Variants in ARID3A observed in about 807,000 individuals in gnomAD.
ARID3A encodes the protein AT-rich interaction domain 3A.
ARID3A carries 11 observed loss-of-function variants against 52.7 expected under a neutral mutation model. The observed-to-expected ratio is 0.21, with a 90% CI of 0.13 to 0.35. ARID3A has a LOEUF of 0.35. ARID3A is among the 10% of genes least tolerant of loss of function. ARID3A has a pLI of 1.00. For synonymous variants in ARID3A, 404 were observed against 359.4 expected, an observed-to-expected ratio of 1.12 and a Z score of -1.40; for missense variants, 721 against 838.5, an observed-to-expected ratio of 0.86 and a Z score of 1.73.
At chr19:931,707 G>GGAGGCT (rs1013814083) in intron 2 of ARID3A, among the ~76,000 whole-genome samples, 5 of 151,708 alleles carry the variant, frequency 3.3e-5, no homozygotes, top group Admixed American at 6.6e-5. Flanking sequence ...CAGCTACTTG[G>GGAGGCT]GAGGCTGAGG....
chr19:928,564 C>G (rs2037249045), intron 1 of ARID3A: 1 of 152,172 alleles, frequency 6.6e-6, no homozygotes. Context: ...CGCCATGTCT[C>G]CAAGCAGAGG....
chr19:946,241 C>G (rs957217594), intron 3 of ARID3A, among the ~76,000 whole-genome samples: 7 of 151,938 alleles, frequency 4.6e-5, no homozygotes, highest in African/African-American at 1.7e-4. Flanking sequence ...TTTACTTTTA[C>G]TTTTTCCTTT....
rs928258685 is a variant in ARID3A at position 973,985 on chromosome 19, A to C, written c.*1920A>C. The C allele has an allele frequency of 2.2e-5, 5 of 229,398 alleles. No homozygotes were observed. Among genetic ancestry groups the C allele is most frequent in the African/African-American group, 8.9e-5 (4 of 45,010 alleles). 14.2% of individuals were successfully genotyped at this position (229,398 alleles called of 1,614,324 possible). A position where few individuals can be genotyped will look rare whatever the true frequency, so the allele number is the denominator to read the frequency against. The stretch of plus-strand genomic sequence containing the variant: ...TGGGCTTTCATTTCTCTTGGGGTGC[A>C]GTGGGGATTAACTCAGCTATTCCCA... On this transcript the variant is annotated 3_prime_UTR_variant, in exon 9 of 9. Coordinates refer to ENST00000263620, the MANE Select transcript of ARID3A (RefSeq NM_005224.3).
intron 4 of ARID3A, among the ~76,000 whole-genome samples, chr19:963,949 C>T (rs981123903): frequency 2.0e-5 from 3 of 152,308 alleles, no homozygotes; most frequent in East Asian, 3.9e-4. Flanking sequence ...AAGATCCGGG[C>T]GTCTCCCGCA....
At chr19:956,043 G>C (rs942162938) in intron 3 of ARID3A, among the ~76,000 whole-genome samples, 1 of 152,218 alleles carries the variant, frequency 6.6e-6, no homozygotes, top group African/African-American at 2.4e-5. Context: ...ACCGTCTCCA[G>C]TGCCCACCGG....
chr19:930,717 G>A (rs1304755104), intron 2 of ARID3A, among the ~76,000 whole-genome samples: 4 of 150,700 alleles, frequency 2.7e-5, no homozygotes, highest in South Asian at 4.2e-4. Flanking sequence ...CACCATGTTA[G>A]CCAAGATGGT....
intron 3 of ARID3A, among the ~76,000 whole-genome samples, chr19:935,089 C>T (rs1195907532): frequency 1.3e-5 from 2 of 152,228 alleles, no homozygotes; most frequent in African/African-American, 2.4e-5. Flanking sequence ...GCCTGCCCCA[C>T]CCCCTTCCTG....
At position 938,022 on chromosome 19, in the gene ARID3A, T is replaced by G. The variant is rs1316848480; in HGVS notation, c.693+5280T>G. Reference sequence around the variant, plus strand: ...TGCGCCCGGCTAATTTTTTGTATTTTTAGTAGAGACGGGGTTTCACCGTGT... The same window carrying G: ...TGCGCCCGGCTAATTTTTTGTATTTGTAGTAGAGACGGGGTTTCACCGTGT... On this transcript the variant is annotated intron_variant, in intron 3 of 8. Transcript: ENST00000263620. The surrounding 1 kb of genome is among the most constrained non-coding windows in gnomAD (Gnocchi z 4.0). Among the ~76,000 whole-genome samples, 1 of 151,820 alleles carries G rather than the reference T, an allele frequency of 6.6e-6. No homozygotes were observed. The highest frequency in any genetic ancestry group is 1.9e-4 in the East Asian group (1 of 5,172).
Position 944,325 on chromosome 19 carries a change from G to GGTGTGTGT in ARID3A, c.693+11600_693+11607dup, listed in dbSNP as rs74873695. On this transcript the variant is annotated intron_variant, in intron 3 of 8. Coordinates refer to ENST00000263620, the MANE Select transcript of ARID3A (RefSeq NM_005224.3). The surrounding 1 kb of genome is among the most constrained non-coding windows in gnomAD (Gnocchi z 5.9). ...TCTGGCTGCAGGGGCGCGTCCAGGG[G>GGTGTGTGT]GTGTGTGTGTGTGTGTGTGTGTGTC... is the stretch of plus-strand genomic sequence containing the variant. Among the ~76,000 whole-genome samples, 3,245 of 149,824 alleles carry GGTGTGTGT rather than the reference G, an allele frequency of 0.022. 159 individuals are homozygous for GGTGTGTGT. Among genetic ancestry groups the GGTGTGTGT allele is most frequent in the East Asian group, 0.17 (871 of 5,010 alleles).
chr19:960,117 A>G lies in ARID3A; in HGVS notation c.719A>G (p.Lys240Arg). 6.2e-7 allele frequency: 1 copy of G among 1,613,258 alleles called. No homozygotes were observed. The highest frequency in any genetic ancestry group is 8.5e-7 in the Non-Finnish European group (1 of 1,179,538). The change falls in exon 4 of 9, where the codon AAG (lysine) becomes AGG (arginine). Residue 240 changes from lysine (K) to arginine (R), a missense_variant. Transcript: ENST00000263620. This position sits in a 1 kb window ranked among gnomAD's most constrained non-coding sequence, Gnocchi z 4.3. ...CTCTACGAACTCGACGGGGACCCCA[A>G]GAGGAAGGAATTCCTGGATGACTTG... Reference protein sequence around the residue: ...KQLYELDGDPKRKEFLDDLFS... With the variant: ...KQLYELDGDPRRKEFLDDLFS...
chr19:966,732 G>A lies in ARID3A; in HGVS notation c.1359G>A (p.Leu453=), dbSNP rs1472856991. The A allele has an allele frequency of 4.3e-6, 7 of 1,612,700 alleles. No individual in the cohort carries two copies. Among genetic ancestry groups the A allele is most frequent in the Non-Finnish European group, 5.1e-6 (6 of 1,179,838 alleles). ...AAALEQLREK[L]ESAEPPEKKM... is the part of the protein sequence containing the mutation. ...CCCTGGAACAGCTGCGGGAGAAGCTGGAGTCTGCAGAGCCTCCGGAGAAGA... is the reference window on the plus strand; with the variant it reads ...CCCTGGAACAGCTGCGGGAGAAGCTAGAGTCTGCAGAGCCTCCGGAGAAGA... Residue 453 remains leucine, a synonymous_variant, in exon 7 of 9, where the codon CTG becomes CTA. Transcript: ENST00000263620.
At chr19:945,329 G>A (rs890251762) in intron 3 of ARID3A, among the ~76,000 whole-genome samples, 2 of 152,214 alleles carry the variant, frequency 1.3e-5, no homozygotes, top group African/African-American at 4.8e-5. Flanking sequence ...TGGCCTTTAC[G>A]GTTCACCAGG....
Position 960,791 on chromosome 19 carries a change from AT to A in ARID3A, c.766+629del, listed in dbSNP as rs1228732260. Among the ~76,000 whole-genome samples, 2 of 152,056 alleles carry A rather than the reference AT, an allele frequency of 1.3e-5. No homozygotes were observed. Among genetic ancestry groups the A allele is most frequent in the African/African-American group, 4.8e-5 (2 of 41,382 alleles). ...GGGCCGCTGTTTACTGTGCACACTT[AT>A]TGGGCACCAACGGTATACCAGGCTC... On this transcript the variant is annotated intron_variant, in intron 4 of 8. Coordinates refer to ENST00000263620, the MANE Select transcript of ARID3A (RefSeq NM_005224.3). This position sits in a 1 kb window ranked among gnomAD's most constrained non-coding sequence, Gnocchi z 4.3.
In ARID3A at chr19:970,011, T is replaced by A. The variant is rs116252188; in HGVS notation, c.1594+1508T>A. 7.2e-3 allele frequency among the ~76,000 whole-genome samples: 1,094 copies of A among 152,142 alleles called. 16 individuals carry two copies. Among genetic ancestry groups the A allele is most frequent in the African/African-American group, 0.025 (1,020 of 41,508 alleles). Reference sequence around the variant, plus strand: ...CCCACCCTATATATACATATTTTTTTAAATAAAATGAATTAAAAAGTTGCC... The same window carrying A: ...CCCACCCTATATATACATATTTTTTAAAATAAAATGAATTAAAAAGTTGCC... On this transcript the variant is annotated intron_variant, in intron 8 of 8. Transcript: ENST00000263620.
chr19:962,718 T>C (rs1313017673), intron 4 of ARID3A, among the ~76,000 whole-genome samples: 1 of 151,982 alleles, frequency 6.6e-6, no homozygotes, highest in African/African-American at 2.4e-5. Flanking sequence ...TTTCTCCCTA[T>C]TGGCCAGGCT....
intron 3 of ARID3A, among the ~76,000 whole-genome samples, chr19:952,020 A>C (rs1357581561): frequency 6.6e-6 from 1 of 152,150 alleles, no homozygotes; most frequent in East Asian, 1.9e-4. Flanking sequence ...ACGTGCCGGT[A>C]ATCCCACCTA....
chr19:972,824 A>C lies in ARID3A; in HGVS notation c.*759A>C, dbSNP rs1022546726. On this transcript the variant is annotated 3_prime_UTR_variant, in exon 9 of 9. Coordinates refer to ENST00000263620, the MANE Select transcript of ARID3A (RefSeq NM_005224.3). The stretch of plus-strand genomic sequence containing the variant: ...AGCAAAAAAAAAAAAAAAAAAAAAA[A>C]AAAAAAACTCACCTTTTTATTTTTC... 38 of 190,920 alleles carry C rather than the reference A, an allele frequency of 2.0e-4. No individual in the cohort carries two copies. Among genetic ancestry groups the C allele is most frequent in the Non-Finnish European group, 3.7e-4 (34 of 91,986 alleles). 11.8% of individuals were successfully genotyped at this position (190,920 alleles called of 1,614,324 possible). A position where few individuals can be genotyped will look rare whatever the true frequency, so the allele number is the denominator to read the frequency against.
chr19:971,063 G>T (rs763011474), intron 8 of ARID3A, among the ~76,000 whole-genome samples: 6 of 152,210 alleles, frequency 3.9e-5, no homozygotes, highest in Admixed American at 6.5e-5. Flanking sequence ...TGGGCATCAG[G>T]GTTCTCCCTG....
rs2037272820 is a variant in ARID3A, at chr19:929,565, C to T, written c.37C>T (p.Arg13Trp). ...LQAVMETLLQ[R>W]QQRARQELEA... Reference sequence around the variant, plus strand: ...GGCCGTGATGGAGACGCTGTTGCAGCGGCAGCAGCGGGCGCGCCAGGAGCT... The same window carrying T: ...GGCCGTGATGGAGACGCTGTTGCAGTGGCAGCAGCGGGCGCGCCAGGAGCT... Residue 13 changes from arginine to tryptophan, a missense_variant, in exon 2 of 9, where the codon CGG becomes TGG. By Grantham distance (101) the Arg-to-Trp change is moderately radical. Coordinates refer to ENST00000263620, the MANE Select transcript of ARID3A (RefSeq NM_005224.3). This position sits in a 1 kb window ranked among gnomAD's most constrained non-coding sequence, Gnocchi z 6.2. 2.0e-6 allele frequency: 3 copies of T among 1,522,870 alleles called. No individual in the cohort carries two copies. Among genetic ancestry groups the T allele is most frequent in the Non-Finnish European group, 2.6e-6 (3 of 1,141,586 alleles). The allele number at this position is 1,522,870 out of a possible 1,614,324, so 94.3% of individuals were successfully genotyped here.
Sources: allele counts gnomAD v4.1 joint callset (sites outside exome capture counted in the v4.1 genomes callset), GRCh38; gene constraint gnomAD v4.1.1; non-coding constraint Gnocchi (gnomAD v3.1); transcripts MANE v1.5; gene names NCBI Gene and HGNC (gene_info 2026-07-23, HGNC 2026-07-21).